DRD4: variants seen among roughly 807,000 people sequenced by gnomAD.
DRD4 encodes dopamine receptor D4.
DRD4 carries 26 observed loss-of-function variants against 22.1 expected under a neutral mutation model. The ratio of observed to expected loss-of-function variants is 1.17; its 90% CI spans 0.86 to 1.63. The LOEUF (loss-of-function observed/expected upper bound fraction) is 1.63. Among genes scored for constraint, DRD4 ranks in the 40% most tolerant of loss-of-function variants. The pLI, the probability that DRD4 is intolerant of heterozygous loss-of-function variation, is 0.00. For synonymous variants in DRD4, 455 were observed against 306.7 expected (o/e 1.48, Z -5.05); for missense variants, 913 against 632.4 (o/e 1.44, Z -4.76).
chr11:639,773 A>G lies in DRD4; in HGVS notation c.524A>G (p.Asn175Ser), dbSNP rs747653792. 14 of 1,576,638 alleles carry G rather than the reference A, an allele frequency of 8.9e-6. No homozygotes were observed. The South Asian group carries it at 9.0e-5, about 10-fold the overall frequency. Residue 175 changes from asparagine to serine, a missense_variant, in exon 3 of 4, where the codon AAC becomes AGC. Physicochemically the swap from Asn to Ser is conservative, Grantham distance 46. Coordinates refer to ENST00000176183, the MANE Select transcript of DRD4 (RefSeq NM_000797.4). ...GCGGCGCCCGTACTGTGCGGCCTCA[A>G]CGACGTGCGCGGCCGCGACCCCGCC... ...AVAAPVLCGL[N>S]DVRGRDPAVC...
intron 1 of DRD4, among the ~76,000 whole-genome samples, chr11:638,304 AG>A (rs944134565): frequency 2.6e-5 from 4 of 151,956 alleles, no homozygotes; most frequent in African/African-American, 7.3e-5. Context: ...ACTGTGGGGG[AG>A]GGGGACTCGA....
intron 1 of DRD4, among the ~76,000 whole-genome samples, chr11:637,986 GACACACACAC>G (rs67940799): frequency 1.8e-4 from 27 of 151,732 alleles, no homozygotes; most frequent in African/African-American, 6.5e-4. Context: ...GCTGCCGTGG[GACACACACAC>G]ACACACACTG....
rs1204801321 is a variant in DRD4 at position 639,982 on chromosome 11, TC to T, written c.738del (p.Thr247ArgfsTer99). The T allele has an allele frequency of 7.5e-7, 1 of 1,329,776 alleles. No homozygotes were observed. The highest frequency in any genetic ancestry group is 9.5e-7 in the Non-Finnish European group (1 of 1,051,034). 82.4% of individuals were successfully genotyped at this position (1,329,776 alleles called of 1,614,324 possible). ...CCGACCCAGCGGCCCTGGCCCGCCT[TC>T]CCCCACGCCACCCGCGCCCCGCCTC... ...PRRPSGPGPP[S>X]PTPPAPRLPQ... On this transcript the variant is annotated frameshift_variant, in exon 3 of 4. Coordinates refer to ENST00000176183, the MANE Select transcript of DRD4 (RefSeq NM_000797.4). LOFTEE classifies it high-confidence loss of function.
At position 640,700 on chromosome 11, in the gene DRD4, TCC is replaced by T. The variant is rs1253792976; in HGVS notation, c.*99_*100del. 8 of 1,432,428 alleles carry T rather than the reference TCC, an allele frequency of 5.6e-6. No individual in the cohort carries two copies. The highest frequency in any genetic ancestry group is 6.7e-6 in the Non-Finnish European group (7 of 1,046,412). 88.7% of individuals were successfully genotyped at this position (1,432,428 alleles called of 1,614,324 possible). On this transcript the variant is annotated 3_prime_UTR_variant, in exon 4 of 4. Coordinates refer to ENST00000176183, the MANE Select transcript of DRD4 (RefSeq NM_000797.4). Reference sequence around the variant, plus strand: ...TTGTACGTTAATTAAACAAATTCCTTCCCAAACTCAGCTGTGAAGGCTCCTGG... The same window carrying T: ...TTGTACGTTAATTAAACAAATTCCTTCAAACTCAGCTGTGAAGGCTCCTGG...
At chr11:637,686 TGCGGAGCTTCCAGCTGGG>T in intron 1 of DRD4, 97 bp downstream of exon 1, 1 of 1,526,208 alleles carries the variant, frequency 6.6e-7, no homozygotes, top group Non-Finnish European at 8.8e-7. Flanking sequence ...CCCTTTCTGG[TGCGGAGCTTCCAGCTGGG>T]GCGGCGGCAG....
chr11:639,985 C>A lies in DRD4; in HGVS notation c.736C>A (p.Pro246Thr). The change falls in exon 3 of 4, where the codon CCC becomes ACC. Residue 246 changes from proline to threonine, a missense_variant. Coordinates refer to ENST00000176183, the MANE Select transcript of DRD4 (RefSeq NM_000797.4). ...ACCCAGCGGCCCTGGCCCGCCTTCC[C>A]CCACGCCACCCGCGCCCCGCCTCCC... The part of the protein sequence containing the change: ...RRPSGPGPPS[P>T]TPPAPRLPQD... 7.6e-7 allele frequency: 1 copy of A among 1,318,206 alleles called. No homozygotes were observed. The highest frequency in any genetic ancestry group is 9.6e-7 in the Non-Finnish European group (1 of 1,045,202). The allele number at this position is 1,318,206 out of a possible 1,614,324, so 81.7% of individuals were successfully genotyped here.
Position 640,464 on chromosome 11 carries a change from C to T in DRD4, c.1121C>T (p.Ala374Val). 1.2e-6 allele frequency: 2 copies of T among 1,602,198 alleles called. No individual in the cohort carries two copies. The highest frequency in any genetic ancestry group is 2.2e-5 in the South Asian group (2 of 91,076). The change falls in exon 4 of 4, where the codon GCC becomes GTC. Residue 374 changes from alanine (A) to valine (V), a missense_variant. Ala to Val is a moderately conservative substitution (Grantham distance 64). Coordinates refer to ENST00000176183, the MANE Select transcript of DRD4 (RefSeq NM_000797.4). ...CACATCACGCAGGCGCTGTGTCCTG[C>T]CTGCTCCGTGCCCCCGCGGCTGGTC... ...VVHITQALCP[A>V]CSVPPRLVSA... is the part of the protein sequence containing the mutation.
rs1368725257 is a variant in DRD4 at position 637,414 on chromosome 11, C to T, written c.110C>T (p.Ala37Val). ...SAGLAGQGAA[A>V]LVGGVLLIGA... Reference sequence around the variant, plus strand: ...GGGCTGGCTGGGCAGGGCGCGGCGGCGCTGGTGGGGGGCGTGCTGCTCATC... The same window carrying T: ...GGGCTGGCTGGGCAGGGCGCGGCGGTGCTGGTGGGGGGCGTGCTGCTCATC... The change falls in exon 1 of 4, where the codon GCG (alanine) becomes GTG (valine). Residue 37 changes from alanine to valine, a missense_variant. By Grantham distance (64) the Ala-to-Val change is moderately conservative (BLOSUM62 0). Coordinates refer to ENST00000176183, the MANE Select transcript of DRD4 (RefSeq NM_000797.4). The T allele has an allele frequency of 1.3e-5, 20 of 1,505,522 alleles. No homozygotes were observed. Among genetic ancestry groups the T allele is most frequent in the Non-Finnish European group, 1.8e-5 (20 of 1,133,666 alleles). 93.3% of individuals were successfully genotyped at this position (1,505,522 alleles called of 1,614,324 possible). A position where few individuals can be genotyped will look rare whatever the true frequency, so the allele number is the denominator to read the frequency against.
At position 640,178 on chromosome 11, in the gene DRD4, G is replaced by A. The variant is rs1382786278; in HGVS notation, c.929G>A (p.Cys310Tyr). The change falls in exon 3 of 4, where the codon TGT (cysteine) becomes TAT (tyrosine). Residue 310 changes from cysteine to tyrosine, a missense_variant. Coordinates refer to ENST00000176183, the MANE Select transcript of DRD4 (RefSeq NM_000797.4). ...GLPPDPCGSN[C>Y]APPDAVRAAA... ...CCCCCGGACCCCTGCGGCTCCAACT[G>A]TGCTCCCCCCGACGCCGTCAGAGCC... 22 of 1,529,584 alleles carry A rather than the reference G, an allele frequency of 1.4e-5. No homozygotes were observed. Among genetic ancestry groups the A allele is most frequent in the Non-Finnish European group, 1.8e-5 (21 of 1,144,420 alleles). 94.8% of individuals were successfully genotyped at this position (1,529,584 alleles called of 1,614,324 possible).
At chr11:639,364 A>G in intron 1 of DRD4, 69 bp from the exon 2 acceptor site, 1 of 1,385,164 alleles carries the variant, frequency 7.2e-7, no homozygotes, top group Non-Finnish European at 9.7e-7. Context: ...ACTACCCATA[A>G]GAGTGGGGGC....
Position 640,498 on chromosome 11 carries a change from C to T in DRD4, c.1155C>T (p.Val385=), listed in dbSNP as rs750927378. 1 of 1,602,042 alleles carries T rather than the reference C, an allele frequency of 6.2e-7. No individual in the cohort carries two copies. The highest frequency in any genetic ancestry group is 1.1e-5 in the South Asian group (1 of 91,088). ...CSVPPRLVSA[V]TWLGYVNSAL... ...TGCCCCCGCGGCTGGTCAGCGCCGT[C>T]ACCTGGCTGGGCTACGTCAACAGCG... Residue 385 remains valine, a synonymous_variant, in exon 4 of 4, where the codon GTC becomes GTT. Coordinates refer to ENST00000176183, the MANE Select transcript of DRD4 (RefSeq NM_000797.4).
chr11:639,934 A>G lies in DRD4; in HGVS notation c.685A>G (p.Lys229Glu). 6 of 1,533,344 alleles carry G rather than the reference A, an allele frequency of 3.9e-6. No homozygotes were observed. Among genetic ancestry groups the G allele is most frequent in the Non-Finnish European group, 4.4e-6 (5 of 1,149,322 alleles). The allele number at this position is 1,533,344 out of a possible 1,614,324, so 95.0% of individuals were successfully genotyped here. ...GCGCTGGGAGGTGGCACGTCGCGCCAAGCTGCACGGCCGCGCGCCCCGCCG... is the reference window on the plus strand; with the variant it reads ...GCGCTGGGAGGTGGCACGTCGCGCCGAGCTGCACGGCCGCGCGCCCCGCCG... ...LQRWEVARRA[K>E]LHGRAPRRPS... Residue 229 changes from lysine to glutamate, a missense_variant, in exon 3 of 4, where the codon AAG (lysine) becomes GAG (glutamate). Lys to Glu is a moderately conservative substitution (Grantham distance 56). Transcript: ENST00000176183.
rs1437254866 is a variant in DRD4, at chr11:637,346, T to TGGGCGCGGGCC, written c.45_55dup (p.Ala19GlyfsTer43). The TGGGCGCGGGCC allele has an allele frequency of 3.1e-6, 4 of 1,281,830 alleles. No individual in the cohort carries two copies. The highest frequency in any genetic ancestry group is 3.9e-6 in the Non-Finnish European group (4 of 1,021,516). The allele number at this position is 1,281,830 out of a possible 1,614,324, so 79.4% of individuals were successfully genotyped here. A position where few individuals can be genotyped will look rare whatever the true frequency, so the allele number is the denominator to read the frequency against. On this transcript the variant is annotated frameshift_variant, in exon 1 of 4. Coordinates refer to ENST00000176183, the MANE Select transcript of DRD4 (RefSeq NM_000797.4). LOFTEE classifies it high-confidence loss of function. ...CCGCGGACGCGGACGGGCTGCTGGC[T>TGGGCGCGGGCC]GGGCGCGGGCCGGCCGCGGGGGCAT...
intron 3 of DRD4, 26 bp downstream of exon 3, chr11:640,332 G>A (rs772638664): frequency 1.6e-4 from 238 of 1,512,616 alleles, no homozygotes; most frequent in Non-Finnish European, 2.0e-4. Context: ...GAGGGGCGGG[G>A]AGGAGAGGAG....
chr11:639,285 G>C, intron 1 of DRD4, 148 bp from the exon 2 acceptor site: 1 of 714,864 alleles, frequency 1.4e-6, no homozygotes, highest in South Asian at 1.5e-5. Context: ...TGGGGAAGGG[G>C]TGTTTCCCTG....
In DRD4 at chr11:639,756, C is replaced by G. The variant is rs757335597; in HGVS notation, c.507C>G (p.Pro169=). The G allele has an allele frequency of 4.5e-6, 7 of 1,561,122 alleles. No individual in the cohort carries two copies. Among genetic ancestry groups the G allele is most frequent in the African/African-American group, 4.2e-5 (3 of 71,422 alleles). Residue 169 remains proline, a synonymous_variant, in exon 3 of 4, where the codon CCC becomes CCG. Transcript: ENST00000176183. Reference sequence around the variant, plus strand: ...TGCTGTCCGCGGCGGTGGCGGCGCCCGTACTGTGCGGCCTCAACGACGTGC... The same window carrying G: ...TGCTGTCCGCGGCGGTGGCGGCGCCGGTACTGTGCGGCCTCAACGACGTGC... ...TWLLSAAVAA[P]VLCGLNDVRG...
In DRD4 at chr11:637,565, G is replaced by C; in HGVS notation, c.261G>C (p.Val87=). Residue 87 remains valine, a synonymous_variant, in exon 1 of 4, where the codon GTG becomes GTC. Coordinates refer to ENST00000176183, the MANE Select transcript of DRD4 (RefSeq NM_000797.4). ...AAADLLLALL[V]LPLFVYSEVQ... ...CCGACCTCCTCCTCGCTCTCCTGGT[G>C]CTGCCGCTCTTCGTCTACTCCGAGG... is the stretch of plus-strand genomic sequence containing the variant. The C allele has an allele frequency of 6.4e-7, 1 of 1,557,008 alleles. No homozygotes were observed.
Position 640,495 on chromosome 11 carries a change from C to CGTCACCT in DRD4, c.1154_1160dup (p.Trp387CysfsTer65). 6.2e-7 allele frequency: 1 copy of CGTCACCT among 1,602,038 alleles called. No individual in the cohort carries two copies. Among genetic ancestry groups the CGTCACCT allele is most frequent in the Non-Finnish European group, 8.5e-7 (1 of 1,179,804 alleles). Reference sequence around the variant, plus strand: ...CCGTGCCCCCGCGGCTGGTCAGCGCCGTCACCTGGCTGGGCTACGTCAACA... The same window carrying CGTCACCT: ...CCGTGCCCCCGCGGCTGGTCAGCGCCGTCACCTGTCACCTGGCTGGGCTACGTCAACA... On this transcript the variant is annotated frameshift_variant, in exon 4 of 4. Coordinates refer to ENST00000176183, the MANE Select transcript of DRD4 (RefSeq NM_000797.4). LOFTEE classifies it high-confidence loss of function.
At position 639,650 on chromosome 11, in the gene DRD4, TCGTGGC is replaced by T. The variant is rs751106635; in HGVS notation, c.412_417del (p.Ala138_Val139del). 1.5e-4 allele frequency: 217 copies of T among 1,454,982 alleles called. 1 individual carries two copies. Among genetic ancestry groups the T allele is most frequent in the South Asian group, 3.6e-4 (28 of 76,794 alleles). The allele number at this position is 1,454,982 out of a possible 1,614,324, so 90.1% of individuals were successfully genotyped here. On this transcript the variant is annotated inframe_deletion, in exon 3 of 4. Transcript: ENST00000176183. ...CGCCCCCTCGGCGCTCCCCGCAGGT[TCGTGGC>T]CGTGGCCGTGCCGCTGCGCTACAAC...
Sources: gnomAD v4.1 joint callset for allele counts (sites outside exome capture counted in the v4.1 genomes callset) on GRCh38, gnomAD v4.1.1 for gene constraint, MANE v1.5 for transcripts, NCBI Gene and HGNC (gene_info 2026-07-23, HGNC 2026-07-21) for gene names.